Variants in TMEM74 observed in about 807,000 individuals in gnomAD.
TMEM74 encodes the protein transmembrane protein 74.
In TMEM74, 13 loss-of-function variants were observed where a neutral mutation model predicts 18.1. That is an observed-to-expected ratio of 0.72 (90% CI 0.47 to 1.14). The LOEUF (loss-of-function observed/expected upper bound fraction) is 1.14. Among genes scored for constraint, TMEM74 ranks in the 50% most tolerant of loss-of-function variants. The pLI is 0.00. For missense variants in TMEM74, 372 were observed against 375.9 expected (o/e 0.99, Z 0.09); for synonymous variants, 159 against 146.6 (o/e 1.08, Z -0.61).
At chr8:108,730,997 A>G (rs1265914641) in intron 1 of TMEM74, among the ~76,000 whole-genome samples, 6 of 152,242 alleles carry the variant, frequency 3.9e-5, no homozygotes, top group Non-Finnish European at 7.4e-5. Context: ...ACCCTAATTA[A>G]TGGTGGGATT....
At chr8:108,629,999 G>A (rs1300897122) in intron 2 of TMEM74, among the ~76,000 whole-genome samples, 1 of 152,076 alleles carries the variant, frequency 6.6e-6, no homozygotes, top group East Asian at 1.9e-4. Flanking sequence ...AACCTTAAAT[G>A]TAAATGGGCT....
chr8:108,647,637 A>T (rs1390788142), intron 2 of TMEM74, among the ~76,000 whole-genome samples: 3 of 152,166 alleles, frequency 2.0e-5, no homozygotes, highest in Non-Finnish European at 2.9e-5. Flanking sequence ...ATCAGAGTTT[A>T]TAGAATATTT....
At chr8:108,785,875 G>A (rs1198284001) in intron 1 of TMEM74, among the ~76,000 whole-genome samples, 2 of 152,052 alleles carry the variant, frequency 1.3e-5, no homozygotes, top group Non-Finnish European at 2.9e-5. Context: ...CTCCATGGGG[G>A]AAGCATGTTC....
intron 1 of TMEM74, among the ~76,000 whole-genome samples, chr8:108,760,863 A>T (rs564476760): frequency 4.6e-5 from 7 of 151,832 alleles, no homozygotes; most frequent in African/African-American, 1.4e-4. Context: ...AAAAGAGATG[A>T]TTTGTTTGCT....
chr8:108,742,288 C>G (rs970123155), intron 1 of TMEM74, among the ~76,000 whole-genome samples: 4 of 152,090 alleles, frequency 2.6e-5, no homozygotes, highest in Non-Finnish European at 5.9e-5. Flanking sequence ...ACCCCCGAAA[C>G]TAAAAGTAAA....
intron 1 of TMEM74, among the ~76,000 whole-genome samples, chr8:108,724,021 C>G (rs998367888): frequency 1.3e-5 from 2 of 152,106 alleles, no homozygotes; most frequent in Non-Finnish European, 2.9e-5. Context: ...TGAGTTTGAG[C>G]CCCACAGTCC....
chr8:108,713,954 G>C (rs897844290), intron 1 of TMEM74, among the ~76,000 whole-genome samples: 3 of 152,198 alleles, frequency 2.0e-5, no homozygotes, highest in African/African-American at 7.2e-5. Flanking sequence ...GCCTGGAGTT[G>C]TTGCATAGGG....
At chr8:108,615,758 T>C (rs958200007) in intron 2 of TMEM74, among the ~76,000 whole-genome samples, 1 of 149,978 alleles carries the variant, frequency 6.7e-6, no homozygotes, top group African/African-American at 2.4e-5. Context: ...GATGACACTT[T>C]AGAGTTGGGG....
intron 1 of TMEM74, among the ~76,000 whole-genome samples, chr8:108,721,410 T>A (rs1295611508): frequency 6.6e-6 from 1 of 152,248 alleles, no homozygotes; most frequent in African/African-American, 2.4e-5. Context: ...CTAGCGACAC[T>A]AGTCATCTTT....
At chr8:108,691,049 C>T (rs960652469) in intron 1 of TMEM74, among the ~76,000 whole-genome samples, 1 of 152,148 alleles carries the variant, frequency 6.6e-6, no homozygotes, top group African/African-American at 2.4e-5. Context: ...ACAGACTGGT[C>T]TAGAGCTACT....
chr8:108,735,790 C>T (rs1022607753), intron 1 of TMEM74, among the ~76,000 whole-genome samples: 1 of 152,000 alleles, frequency 6.6e-6, no homozygotes, highest in Non-Finnish European at 1.5e-5. Flanking sequence ...CCTTAATATC[C>T]AATATCTCAC....
At chr8:108,756,599 A>AGAAAGG (rs1586286215) in intron 1 of TMEM74, among the ~76,000 whole-genome samples, 105 of 51,456 alleles carry the variant, frequency 2.0e-3, no homozygotes, top group East Asian at 6.7e-3. Flanking sequence ...AAAGAAAGAG[A>AGAAAGG]AAGGAAGGAA....
At chr8:108,777,468 A>C (rs1814246422), downstream of TMEM74, among the ~76,000 whole-genome samples, 1 of 152,170 alleles carries the variant, frequency 6.6e-6, no homozygotes, top group South Asian at 2.1e-4. Flanking sequence ...CTGTGAGTTG[A>C]TAGTTTTGAC....
At chr8:108,673,958 T>A (rs1013258968) in intron 1 of TMEM74, among the ~76,000 whole-genome samples, 6 of 152,328 alleles carry the variant, frequency 3.9e-5, no homozygotes, top group East Asian at 3.9e-4. Flanking sequence ...TCAAACATTT[T>A]AAAAATTTCC....
At chr8:108,700,130 GGT>G (rs3049748) in intron 1 of TMEM74, among the ~76,000 whole-genome samples, 3,915 of 143,074 alleles carry the variant, frequency 0.027, 62 homozygotes, top group East Asian at 0.065. Context: ...GGCCATAAAT[GGT>G]GTGTGTGTGT....
chr8:108,749,006 T>C (rs1365466396), intron 1 of TMEM74, among the ~76,000 whole-genome samples: 1 of 152,082 alleles, frequency 6.6e-6, no homozygotes, highest in Non-Finnish European at 1.5e-5. Context: ...TATGAGAATA[T>C]AGCGAAAATA....
At chr8:108,726,641 A>G (rs1388782997) in intron 1 of TMEM74, among the ~76,000 whole-genome samples, 1 of 151,966 alleles carries the variant, frequency 6.6e-6, no homozygotes, top group Non-Finnish European at 1.5e-5. Flanking sequence ...CAGTAAACAA[A>G]CTCTATTAGT....
intron 1 of TMEM74, among the ~76,000 whole-genome samples, chr8:108,760,149 G>GGA (rs72281415): frequency 0.046 from 6,556 of 143,882 alleles, 356 homozygotes; most frequent in African/African-American, 0.13. Flanking sequence ...CTGCAGACTG[G>GGA]GAGAGAGAGA....
intron 1 of TMEM74, among the ~76,000 whole-genome samples, chr8:108,681,975 C>T (rs1813119634): frequency 6.6e-6 from 1 of 152,126 alleles, no homozygotes; most frequent in African/African-American, 2.4e-5. Context: ...TACTTTTTAA[C>T]TACATTTTTG....
Sources: allele counts gnomAD v4.1 joint callset (sites outside exome capture counted in the v4.1 genomes callset), GRCh38; gene constraint gnomAD v4.1.1; transcripts MANE v1.5; gene names NCBI Gene and HGNC (gene_info 2026-07-23, HGNC 2026-07-21).